Variants in SCN4A observed in about 807,000 individuals in gnomAD.
SCN4A encodes sodium voltage-gated channel alpha subunit 4, also known as sodium channel protein type 4 subunit alpha.
SCN4A carries 83 observed loss-of-function variants against 162.0 expected under a neutral mutation model. The observed-to-expected ratio is 0.51, with a 90% CI of 0.43 to 0.61. The LOEUF (loss-of-function observed/expected upper bound fraction) is 0.61. Among genes scored for constraint, SCN4A ranks in the 20% least tolerant of loss-of-function variants. The probability of loss-of-function intolerance (pLI) is 0.00; values close to 1 mark genes in which losing one functional copy is unlikely to be tolerated. For synonymous variants in SCN4A, 944 were observed against 985.1 expected, an observed-to-expected ratio of 0.96 and a Z score of 0.78; for missense variants, 2,196 against 2,462.5, an observed-to-expected ratio of 0.89 and a Z score of 2.29.
intron 15 of SCN4A, 36 bp from the exon 16 acceptor site, chr17:63,948,801 A>G: frequency 6.4e-7 from 1 of 1,562,076 alleles, no homozygotes. Context: ...CAGGCACCAC[A>G]TCATGGGCCT....
Position 63,947,931 on chromosome 17 carries a change from A to G in SCN4A, c.3277T>C (p.Phe1093Leu). 1.9e-6 allele frequency: 3 copies of G among 1,613,860 alleles called. No homozygotes were observed. Among genetic ancestry groups the G allele is most frequent in the Non-Finnish European group, 2.5e-6 (3 of 1,179,838 alleles). Residue 1093 changes from phenylalanine (F) to leucine (L), a missense_variant, in exon 17 of 24, where the codon TTC becomes CTC. By Grantham distance (22) the Phe-to-Leu change is conservative (BLOSUM62 0). Coordinates refer to ENST00000435607, the MANE Select transcript of SCN4A (RefSeq NM_000334.4). ...TCGAGCCAGCACCAGGCGTTGGTGA[A>G]GTACACCTTAAAGCCGTAGGCCACC... is the stretch of plus-strand genomic sequence containing the variant. Reference protein sequence around the residue: ...KWVAYGFKVYFTNAWCWLDFL... With the variant: ...KWVAYGFKVYLTNAWCWLDFL...
chr17:63,946,894 G>A (rs894351229), intron 18 of SCN4A, 151 bp downstream of exon 18: 2 of 727,448 alleles, frequency 2.7e-6, no homozygotes, highest in Non-Finnish European at 4.4e-6. Context: ...GGGGAGGTGG[G>A]GGCCAGACCT....
intron 13 of SCN4A, among the ~76,000 whole-genome samples, chr17:63,956,154 G>GC (rs1434015564): frequency 6.6e-6 from 1 of 152,232 alleles, no homozygotes. Context: ...CTCTGCACCA[G>GC]CCCCTCATGC....
chr17:63,949,823 A>C (rs1597972445), intron 14 of SCN4A: 5 of 205,828 alleles, frequency 2.4e-5, no homozygotes, highest in South Asian at 3.0e-4. Context: ...GGAGGCGGGG[A>C]CCCCGGCCCG....
intron 4 of SCN4A, 23 bp from the exon 5 acceptor site, chr17:63,971,276 T>C: frequency 1.6e-6 from 1 of 617,398 alleles, no homozygotes; most frequent in Non-Finnish European, 2.6e-6. Flanking sequence ...TGGAGGGGGG[T>C]GGGGACTGTC....
Position 63,972,632 on chromosome 17 carries a change from G to A in SCN4A, c.210C>T (p.Asp70=), listed in dbSNP as rs769263382. ...AGKNLPMIYG[D]PPPEVIGIPL... Reference sequence around the variant, plus strand: ...GGATGCCGATGACCTCCGGCGGGGGGTCTCCGTAGATCATGGGTAGGTTCT... The same window carrying A: ...GGATGCCGATGACCTCCGGCGGGGGATCTCCGTAGATCATGGGTAGGTTCT... The change falls in exon 1 of 24, where the codon GAC becomes GAT. Residue 70 remains aspartate (D), a synonymous_variant. Coordinates refer to ENST00000435607, the MANE Select transcript of SCN4A (RefSeq NM_000334.4). The surrounding 1 kb of genome is among the most constrained non-coding windows in gnomAD (Gnocchi z 4.3). 1.9e-6 allele frequency: 3 copies of A among 1,610,022 alleles called. No homozygotes were observed. Among genetic ancestry groups the A allele is most frequent in the South Asian group, 2.2e-5 (2 of 90,352 alleles).
At chr17:63,961,116 T>C (rs1909235203) in intron 11 of SCN4A, 77 bp downstream of exon 11, 2 of 835,222 alleles carry the variant, frequency 2.4e-6, no homozygotes, top group Admixed American at 2.3e-5. Flanking sequence ...TATATTTACA[T>C]ACAGCCAGAC....
At position 63,951,378 on chromosome 17, in the gene SCN4A, A is replaced by C. The variant is rs1173130810; in HGVS notation, c.2853+46T>G. The stretch of plus-strand genomic sequence containing the variant: ...GGACTTAGGGCTTGCTCCAGGTCAC[A>C]GGAGAATTTGAAGCCGGGTCTGTCT... On this transcript the variant is annotated intron_variant, in intron 14 of 23. Transcript: ENST00000435607. The surrounding 1 kb of genome is among the most constrained non-coding windows in gnomAD (Gnocchi z 4.5). 5 of 1,354,436 alleles carry C rather than the reference A, an allele frequency of 3.7e-6. No homozygotes were observed. The highest frequency in any genetic ancestry group is 5.1e-6 in the Non-Finnish European group (5 of 984,744). The allele number at this position is 1,354,436 out of a possible 1,614,324, so 83.9% of individuals were successfully genotyped here. A position where few individuals can be genotyped will look rare whatever the true frequency, so the allele number is the denominator to read the frequency against.
intron 14 of SCN4A, chr17:63,949,843 T>C: frequency 1.1e-5 from 2 of 177,560 alleles, no homozygotes; most frequent in Non-Finnish European, 2.3e-5. Flanking sequence ...GAGTGGGGGG[T>C]CTGGGAGGCA....
In SCN4A at chr17:63,966,114, G is replaced by A. The variant is rs1441058947; in HGVS notation, c.1230C>T (p.Asn410=). Reference sequence around the variant, plus strand: ...GGGGCAGCTGTACCAGCTGGAAGAGGTTCTCCCAATAGTCCTGTGTCATGA... The same window carrying A: ...GGGGCAGCTGTACCAGCTGGAAGAGATTCTCCCAATAGTCCTGTGTCATGA... The part of the protein sequence containing the change: ...FRLMTQDYWE[N]LFQLTLRAAG... The change falls in exon 8 of 24, where the codon AAC becomes AAT. Residue 410 remains asparagine, a synonymous_variant. Coordinates refer to ENST00000435607, the MANE Select transcript of SCN4A (RefSeq NM_000334.4). 6.3e-7 allele frequency: 1 copy of A among 1,583,552 alleles called. No individual in the cohort carries two copies. Among genetic ancestry groups the A allele is most frequent in the African/African-American group, 1.3e-5 (1 of 74,556 alleles).
At chr17:63,949,346 CTGCAGGCCTGGGGGA>C in intron 15 of SCN4A, 32 bp downstream of exon 15, 1 of 1,528,600 alleles carries the variant, frequency 6.5e-7, no homozygotes, top group Non-Finnish European at 8.8e-7. Context: ...CTTGCAGGGG[CTGCAGGCCTGGGGGA>C]GACACCCAGA....
In SCN4A at chr17:63,971,826, G is replaced by A. The variant is rs773553987; in HGVS notation, c.507C>T (p.Thr169=). The A allele has an allele frequency of 1.2e-6, 2 of 1,613,626 alleles. No individual in the cohort carries two copies. The highest frequency in any genetic ancestry group is 1.7e-5 in the Admixed American group (1 of 59,978). Residue 169 remains threonine, a synonymous_variant, in exon 4 of 24, where the codon ACC becomes ACT. Transcript: ENST00000435607. ...CCAGTATCTTGATGAGGGACTCAAA[G>A]GTGTAGATCCCTGTGAAGGTGTACC... is the stretch of plus-strand genomic sequence containing the variant. The part of the protein sequence containing the change: ...NVEYTFTGIY[T]FESLIKILAR...
Position 63,940,562 on chromosome 17 carries a change from C to CCCCTGAG in SCN4A, c.*202_*208dup. On this transcript the variant is annotated 3_prime_UTR_variant, in exon 24 of 24. Coordinates refer to ENST00000435607, the MANE Select transcript of SCN4A (RefSeq NM_000334.4). ...CAGGGGCCTCAGACCCAGCATGGAG[C>CCCCTGAG]CCCTGAGCGCAATTCCCATTTCCCA... 1.9e-6 allele frequency: 1 copy of CCCCTGAG among 520,336 alleles called. No individual in the cohort carries two copies. The highest frequency in any genetic ancestry group is 3.3e-6 in the Non-Finnish European group (1 of 307,012). The allele number at this position is 520,336 out of a possible 1,614,324, so 32.2% of individuals were successfully genotyped here. A position where few individuals can be genotyped will look rare whatever the true frequency, so the allele number is the denominator to read the frequency against.
chr17:63,947,992 G>A lies in SCN4A; in HGVS notation c.3216C>T (p.Phe1072=). ...GCATCTCCATGATGAAGATGTAGGT[G>A]AAGACCTTGTCGGCATATTCTAGGA... ...RTILEYADKV[F]TYIFIMEMLL... The change falls in exon 17 of 24, where the codon TTC becomes TTT. Residue 1072 remains phenylalanine, a synonymous_variant. Coordinates refer to ENST00000435607, the MANE Select transcript of SCN4A (RefSeq NM_000334.4). 6.2e-7 allele frequency: 1 copy of A among 1,613,942 alleles called. No individual in the cohort carries two copies. Among genetic ancestry groups the A allele is most frequent in the Non-Finnish European group, 8.5e-7 (1 of 1,179,824 alleles).
Position 63,959,428 on chromosome 17 carries a change from C to G in SCN4A, c.1856G>C (p.Gly619Ala), listed in dbSNP as rs1176109399. The G allele has an allele frequency of 1.2e-6, 2 of 1,613,250 alleles. No individual in the cohort carries two copies. The highest frequency in any genetic ancestry group is 1.3e-5 in the African/African-American group (1 of 74,924). Residue 619 changes from glycine to alanine, a missense_variant, in exon 12 of 24, where the codon GGC (glycine) becomes GCC (alanine). Coordinates refer to ENST00000435607, the MANE Select transcript of SCN4A (RefSeq NM_000334.4). ...CAGAACCATCTCTGCTGTGAAGATG[C>G]CTGTGAAGACCTAGGGGGTGGCATG... ...VLTVGNLVFT[G>A]IFTAEMVLKL...
Position 63,940,539 on chromosome 17 carries a change from G to C in SCN4A, c.*232C>G. On this transcript the variant is annotated 3_prime_UTR_variant, in exon 24 of 24. Transcript: ENST00000435607. ...ACTTGCAGGTTAAATCTTGGAGGCA[G>C]GGGCCTCAGACCCAGCATGGAGCCC... 1 of 477,766 alleles carries C rather than the reference G, an allele frequency of 2.1e-6. No homozygotes were observed. 29.6% of individuals were successfully genotyped at this position (477,766 alleles called of 1,614,324 possible). A position where few individuals can be genotyped will look rare whatever the true frequency, so the allele number is the denominator to read the frequency against.
At chr17:63,958,901 G>C (rs1484361534) in intron 12 of SCN4A, among the ~76,000 whole-genome samples, 1 of 152,198 alleles carries the variant, frequency 6.6e-6, no homozygotes, top group East Asian at 1.9e-4. Context: ...GTGGTGAAAA[G>C]ACAGAAATTC....
Position 63,959,249 on chromosome 17 carries a change from T to C in SCN4A, c.2019+16A>G, listed in dbSNP as rs1328110608. Reference sequence around the variant, plus strand: ...CCACCCCCATCCCAGCCCCTGGCCCTGGGGCTTTTGTGTACCAGACGGAAG... The same window carrying C: ...CCACCCCCATCCCAGCCCCTGGCCCCGGGGCTTTTGTGTACCAGACGGAAG... On this transcript the variant is annotated intron_variant, in intron 12 of 23. Coordinates refer to ENST00000435607, the MANE Select transcript of SCN4A (RefSeq NM_000334.4). The C allele has an allele frequency of 1.3e-6, 2 of 1,558,034 alleles. No homozygotes were observed.
rs566693746 is a variant in SCN4A at position 63,968,691 on chromosome 17, G to A, written c.704-336C>T. Among the ~76,000 whole-genome samples the A allele has an allele frequency of 3.9e-5, 6 of 152,310 alleles. 1 individual carries two copies. Among genetic ancestry groups the A allele is most frequent in the South Asian group, 2.1e-4 (1 of 4,826 alleles). On this transcript the variant is annotated intron_variant, in intron 5 of 23. Transcript: ENST00000435607. Reference sequence around the variant, plus strand: ...GCTGTCAAAGTGTGTTCAACAGAACGCTAATCTCCCATGCTGTGCCCTTAA... The same window carrying A: ...GCTGTCAAAGTGTGTTCAACAGAACACTAATCTCCCATGCTGTGCCCTTAA...
Sources: gnomAD v4.1 joint callset for allele counts (sites outside exome capture counted in the v4.1 genomes callset) on GRCh38, gnomAD v4.1.1 for gene constraint, Gnocchi (gnomAD v3.1) non-coding constraint, MANE v1.5 for transcripts, NCBI Gene and HGNC (gene_info 2026-07-23, HGNC 2026-07-21) for gene names.